Variants in TMPRSS15 observed in about 807,000 individuals in gnomAD.
The protein encoded by TMPRSS15 is enteropeptidase.
TMPRSS15 carries 128 observed loss-of-function variants against 125.3 expected under a neutral mutation model. The ratio of observed to expected loss-of-function variants is 1.02; its 90% confidence interval spans 0.89 to 1.18. TMPRSS15 has a LOEUF of 1.18. TMPRSS15 is among the 50% of genes most tolerant of loss of function. The pLI, the probability that TMPRSS15 is intolerant of heterozygous loss-of-function variation, is 0.00. For synonymous variants in TMPRSS15, 446 were observed against 423.2 expected, an observed-to-expected ratio of 1.05 and a Z score of -0.66; for missense variants, 1,283 against 1,212.7, an observed-to-expected ratio of 1.06 and a Z score of -0.86.
intron 1 of TMPRSS15, among the ~76,000 whole-genome samples, chr21:18,448,519 T>C (rs2076260405): frequency 6.6e-6 from 1 of 152,140 alleles, no homozygotes. Flanking sequence ...TGAAACACAC[T>C]ATAAAGATGC....
At chr21:18,334,515 A>G (rs187988929) in intron 13 of TMPRSS15, among the ~76,000 whole-genome samples, 20 of 152,274 alleles carry the variant, frequency 1.3e-4, no homozygotes, top group Admixed American at 6.5e-4. Context: ...AACTAGATAT[A>G]TATTAAGGAT....
intron 22 of TMPRSS15, among the ~76,000 whole-genome samples, chr21:18,280,240 C>A (rs1235028742): frequency 6.6e-6 from 1 of 152,080 alleles, no homozygotes; most frequent in East Asian, 1.9e-4. Context: ...GGAAGTCCTT[C>A]ATTTGTCACT....
chr21:18,481,819 A>G (rs576264995), intron 1 of TMPRSS15, among the ~76,000 whole-genome samples: 3 of 151,832 alleles, frequency 2.0e-5, no homozygotes, highest in East Asian at 1.9e-4. Context: ...TCAAAAGTCT[A>G]TTTCAAAGTT....
chr21:18,415,826 G>T (rs2076178644), intron 1 of TMPRSS15, among the ~76,000 whole-genome samples: 1 of 152,036 alleles, frequency 6.6e-6, no homozygotes, highest in South Asian at 2.1e-4. Flanking sequence ...AGAAATAGAA[G>T]GAATCAAAAT....
chr21:18,473,364 G>T (rs1196662351), intron 1 of TMPRSS15, among the ~76,000 whole-genome samples: 1 of 151,958 alleles, frequency 6.6e-6, no homozygotes, highest in Admixed American at 6.6e-5. Flanking sequence ...AATGAAATCT[G>T]CAGGTTATAT....
chr21:18,431,846 C>G (rs1200658731), intron 1 of TMPRSS15, among the ~76,000 whole-genome samples: 1 of 152,016 alleles, frequency 6.6e-6, no homozygotes, highest in Non-Finnish European at 1.5e-5. Flanking sequence ...TGAAATGTAC[C>G]AAATTACCTT....
chr21:18,357,578 T>C (rs1176198740), intron 8 of TMPRSS15, among the ~76,000 whole-genome samples: 2 of 151,884 alleles, frequency 1.3e-5, no homozygotes, highest in Admixed American at 1.3e-4. Flanking sequence ...ATATTTTGAA[T>C]TGGAATTTAA....
In TMPRSS15 at chr21:18,393,958, T is replaced by C. The variant is rs568446359; in HGVS notation, c.344+3921A>G. Among the ~76,000 whole-genome samples, 23 of 152,280 alleles carry C rather than the reference T, an allele frequency of 1.5e-4. No homozygotes were observed. The South Asian group carries it at 4.8e-3, about 32-fold the overall frequency. ...TAATATCTGTATTCTCAGAACCTAG[T>C]TAAATGTCTGTTTCTAAGTAAGCCC... On this transcript the variant is annotated intron_variant, in intron 3 of 24. Transcript: ENST00000284885.
chr21:18,359,472 C>T (rs1569031474), intron 8 of TMPRSS15, among the ~76,000 whole-genome samples: 1 of 151,972 alleles, frequency 6.6e-6, no homozygotes, highest in Non-Finnish European at 1.5e-5. Flanking sequence ...AACATTTAAA[C>T]AATGTATGGT....
chr21:18,342,702 AAAG>A (rs1225334794), intron 12 of TMPRSS15, among the ~76,000 whole-genome samples: 2 of 152,176 alleles, frequency 1.3e-5, no homozygotes, highest in Admixed American at 6.5e-5. Context: ...TAAAAGGATC[AAAG>A]AAGAAGAAAG....
chr21:18,296,210 T>C (rs1026989819), intron 19 of TMPRSS15, among the ~76,000 whole-genome samples: 2 of 152,210 alleles, frequency 1.3e-5, no homozygotes, highest in African/African-American at 4.8e-5. Flanking sequence ...TATAGTTGGC[T>C]GAATCATTTT....
chr21:18,344,525 AC>A (rs1231815442), intron 10 of TMPRSS15, among the ~76,000 whole-genome samples: 1 of 152,220 alleles, frequency 6.6e-6, no homozygotes, highest in African/African-American at 2.4e-5. Context: ...TTCACTGAAC[AC>A]TTCATATCTC....
chr21:18,271,202 G>A (rs917399584), intron 24 of TMPRSS15, among the ~76,000 whole-genome samples: 3 of 152,112 alleles, frequency 2.0e-5, no homozygotes, highest in African/African-American at 7.2e-5. Context: ...TTCTATTTCT[G>A]CATCCCAAAC....
chr21:18,481,106 C>T (rs1978972633), intron 1 of TMPRSS15, among the ~76,000 whole-genome samples: 1 of 151,808 alleles, frequency 6.6e-6, no homozygotes, highest in Admixed American at 6.6e-5. Context: ...TGTATCCTGA[C>T]TCTACCATTT....
At chr21:18,305,433 CCT>C (rs2075027342) in intron 18 of TMPRSS15, among the ~76,000 whole-genome samples, 1 of 152,092 alleles carries the variant, frequency 6.6e-6, no homozygotes, top group Non-Finnish European at 1.5e-5. Flanking sequence ...CGTGATCCGC[CCT>C]TCTCGGCCTC....
At chr21:18,405,307 C>T (rs1181171154), upstream of TMPRSS15, among the ~76,000 whole-genome samples, 1 of 152,028 alleles carries the variant, frequency 6.6e-6, no homozygotes, top group East Asian at 1.9e-4. Context: ...AAATTCTCCT[C>T]AAATAATGTT....
intron 5 of TMPRSS15, among the ~76,000 whole-genome samples, chr21:18,375,419 A>G (rs2075832431): frequency 6.6e-6 from 1 of 152,138 alleles, no homozygotes; most frequent in Non-Finnish European, 1.5e-5. Flanking sequence ...TTCATTACTT[A>G]ATTTTTGTTC....
At chr21:18,323,541 G>C (rs2075260816) in intron 16 of TMPRSS15, among the ~76,000 whole-genome samples, 2 of 152,038 alleles carry the variant, frequency 1.3e-5, no homozygotes, top group Non-Finnish European at 2.9e-5. Flanking sequence ...TACAATTCAA[G>C]GTGAGATCTG....
chr21:18,418,687 CT>C (rs1234893571), intron 1 of TMPRSS15, among the ~76,000 whole-genome samples: 1 of 152,120 alleles, frequency 6.6e-6, no homozygotes, highest in African/African-American at 2.4e-5. Context: ...CTACTTATAG[CT>C]GTGTTTTTAG....
Sources: gnomAD v4.1 joint callset for allele counts (sites outside exome capture counted in the v4.1 genomes callset) on GRCh38, gnomAD v4.1.1 for gene constraint, MANE v1.5 for transcripts, NCBI Gene and HGNC (gene_info 2026-07-23, HGNC 2026-07-21) for gene names.